The following TUSC3 variants were observed in gnomAD, a reference collection of about 807,000 sequenced individuals.
The protein encoded by TUSC3 is dolichyl-diphosphooligosaccharide--protein glycosyltransferase subunit TUSC3.
In TUSC3, 45 loss-of-function variants were observed where a neutral mutation model predicts 44.8. The observed-to-expected ratio is 1.00, with a 90% CI of 0.79 to 1.29. TUSC3 has a LOEUF of 1.29. Among genes scored for constraint, TUSC3 ranks in the 50% most tolerant of loss-of-function variants. The pLI, the probability that TUSC3 is intolerant of heterozygous loss-of-function variation, is 0.00. For missense variants in TUSC3, 519 were observed against 437.9 expected, an observed-to-expected ratio of 1.19 and a Z score of -1.65; for synonymous variants, 212 against 152.9, an observed-to-expected ratio of 1.39 and a Z score of -2.85.
chr8:15,826,446 T>C, the TUSC3 span, among the ~76,000 whole-genome samples: 2 of 152,170 alleles, frequency 1.3e-5, no homozygotes, highest in African/African-American at 4.8e-5. Context: ...ATTCTTCTGG[T>C]TTAGTGATAT....
At chr8:15,743,427 C>T (rs1208654887) in intron 7 of TUSC3, 111 bp from the exon 8 acceptor site, 11 of 1,050,866 alleles carry the variant, frequency 1.0e-5, no homozygotes, top group East Asian at 2.4e-5. Context: ...ATTGTATTTA[C>T]CTCTGTGTGC....
At chr8:15,616,186 T>C (rs1025121213) in intron 1 of TUSC3, among the ~76,000 whole-genome samples, 2 of 152,096 alleles carry the variant, frequency 1.3e-5, no homozygotes, top group African/African-American at 2.4e-5. Flanking sequence ...ATTTTTTTGC[T>C]TTTTTTCAAT....
chr8:15,825,287 A>T, the TUSC3 span, among the ~76,000 whole-genome samples: 1 of 152,178 alleles, frequency 6.6e-6, no homozygotes, highest in Admixed American at 6.5e-5. Context: ...GGTTTACTGG[A>T]CTTACAGTTC....
chr8:15,676,442 G>C (rs1808193365), intron 6 of TUSC3, among the ~76,000 whole-genome samples: 1 of 152,120 alleles, frequency 6.6e-6, no homozygotes, highest in African/African-American at 2.4e-5. Context: ...TCTGTTGATA[G>C]TTTCTTTTGC....
At chr8:15,826,416 G>A in the TUSC3 span, among the ~76,000 whole-genome samples, 16 of 152,112 alleles carry the variant, frequency 1.1e-4, no homozygotes, top group Middle Eastern at 6.8e-3. Flanking sequence ...TGTTCTTTGC[G>A]GAACACATAG....
At position 15,559,313 on chromosome 8, in the gene TUSC3, T is replaced by A. The variant is rs958778229; in HGVS notation, c.138+18745T>A. On this transcript the variant is annotated intron_variant, in intron 1 of 10. Transcript: ENST00000503731. Reference sequence around the variant, plus strand: ...TCAGTTTCCATGTAGTTGAGCAGTTTTGAGTGAGATTCTTAACCCTGAGTT... The same window carrying A: ...TCAGTTTCCATGTAGTTGAGCAGTTATGAGTGAGATTCTTAACCCTGAGTT... 4.8e-5 allele frequency among the ~76,000 whole-genome samples: 7 copies of A among 145,324 alleles called. 1 individual carries two copies. Among genetic ancestry groups the A allele is most frequent in the African/African-American group, 7.6e-5 (3 of 39,706 alleles).
chr8:15,629,714 G>C (rs940018534), intron 2 of TUSC3, among the ~76,000 whole-genome samples: 38 of 144,770 alleles, frequency 2.6e-4, no homozygotes, highest in African/African-American at 9.6e-4. Flanking sequence ...TCCTTTGTGA[G>C]ACTTGCCTTT....
intron 1 of TUSC3, among the ~76,000 whole-genome samples, chr8:15,590,661 A>ATTT (rs141841714): frequency 0.021 from 3,116 of 151,474 alleles, 90 homozygotes; most frequent in African/African-American, 0.07. Context: ...TATTATTATT[A>ATTT]TTGGTTTTTG....
chr8:15,768,829 A>G (rs976115084), downstream of TUSC3, among the ~76,000 whole-genome samples: 8 of 152,178 alleles, frequency 5.3e-5, no homozygotes, highest in African/African-American at 9.7e-5. Flanking sequence ...CCCATTCACA[A>G]TTGCTACAAA....
At chr8:15,617,803 C>A (rs1316351082) in intron 1 of TUSC3, among the ~76,000 whole-genome samples, 1 of 152,106 alleles carries the variant, frequency 6.6e-6, no homozygotes, top group African/African-American at 2.4e-5. Flanking sequence ...TCCTCCCAAC[C>A]CTGGCTGATC....
chr8:15,641,414 C>T (rs1023912188), intron 2 of TUSC3, among the ~76,000 whole-genome samples: 9 of 147,578 alleles, frequency 6.1e-5, no homozygotes, highest in African/African-American at 2.0e-4. Flanking sequence ...AGGAATTTCA[C>T]AGAAATCCTA....
intron 1 of TUSC3, among the ~76,000 whole-genome samples, chr8:15,550,984 G>C (rs892382180): frequency 6.6e-6 from 1 of 151,702 alleles, no homozygotes; most frequent in African/African-American, 2.4e-5. Context: ...AAGTGTTAAG[G>C]ACCTTGTAAA....
At chr8:15,655,317 A>G (rs1807104654) in intron 3 of TUSC3, among the ~76,000 whole-genome samples, 1 of 152,190 alleles carries the variant, frequency 6.6e-6, no homozygotes, top group African/African-American at 2.4e-5. Flanking sequence ...TTTAACTGTA[A>G]TATGACCTTC....
In TUSC3 at chr8:15,502,450, C is replaced by T. The variant is rs28536547; in HGVS notation, n.189+18967C>T. 2.8e-3 allele frequency among the ~76,000 whole-genome samples: 420 copies of T among 152,268 alleles called. 4 individuals carry two copies. The highest frequency in any genetic ancestry group is 9.4e-3 in the African/African-American group (392 of 41,550). On this transcript the variant is annotated intron_variant and non_coding_transcript_variant, in intron 2 of 5. Coordinates refer to the TUSC3 transcript ENST00000503191. ...CTTCTTTTTATTAGAGCTCCTATGT[C>T]GGATTATCATTTCCCGGATCCAATA...
At chr8:15,728,843 G>C (rs1810601523) in intron 6 of TUSC3, among the ~76,000 whole-genome samples, 1 of 152,130 alleles carries the variant, frequency 6.6e-6, no homozygotes, top group South Asian at 2.1e-4. Flanking sequence ...TCTCCTTCCG[G>C]AGGAGGAGGA....
At chr8:15,736,752 AG>A (rs1810954961) in intron 7 of TUSC3, among the ~76,000 whole-genome samples, 3 of 152,144 alleles carry the variant, frequency 2.0e-5, no homozygotes, top group African/African-American at 7.2e-5. Flanking sequence ...TCAGTCCAGG[AG>A]GGGCAGAACT....
chr8:15,632,599 A>T (rs1805822359), intron 2 of TUSC3, among the ~76,000 whole-genome samples: 1 of 152,194 alleles, frequency 6.6e-6, no homozygotes, highest in Non-Finnish European at 1.5e-5. Flanking sequence ...TTTTTTACCC[A>T]GCACTTGTAG....
intron 9 of TUSC3, 24 bp downstream of exon 9, chr8:15,748,489 A>ATGTT: frequency 6.6e-7 from 1 of 1,525,550 alleles, no homozygotes; most frequent in Non-Finnish European, 9.1e-7. Context: ...ACTAACATGA[A>ATGTT]TGTTTTTATT....
chr8:15,620,819 C>T (rs1322876620), intron 1 of TUSC3, among the ~76,000 whole-genome samples: 1 of 152,156 alleles, frequency 6.6e-6, no homozygotes, highest in Non-Finnish European at 1.5e-5. Flanking sequence ...ATCCGTGAAA[C>T]TGGGGCTGGC....
Sources: allele counts gnomAD v4.1 joint callset (sites outside exome capture counted in the v4.1 genomes callset), GRCh38; gene constraint gnomAD v4.1.1; transcripts MANE v1.5; gene names NCBI Gene and HGNC (gene_info 2026-07-23, HGNC 2026-07-21).